The following MEGF9 variants were observed in gnomAD, a reference collection of about 807,000 sequenced individuals.
The protein encoded by MEGF9 is multiple epidermal growth factor-like domains protein 9.
A neutral mutation model predicts 46.8 loss-of-function variants in MEGF9; 6 were observed. The observed-to-expected ratio is 0.13, with a 90% CI of 0.07 to 0.25. The LOEUF (loss-of-function observed/expected upper bound fraction) is 0.25, where lower values mean the gene tolerates loss of function less well. Among genes scored for constraint, MEGF9 ranks in the 10% least tolerant of loss-of-function variants. The probability of loss-of-function intolerance (pLI) is 1.00; values close to 1 mark genes in which losing one functional copy is unlikely to be tolerated. For missense variants in MEGF9, 683 were observed against 792.4 expected (o/e 0.86, Z 1.66); for synonymous variants, 302 against 330.7 (o/e 0.91, Z 0.94).
chr9:120,647,719 G>C (rs964877445), intron 2 of MEGF9, among the ~76,000 whole-genome samples: 5 of 152,144 alleles, frequency 3.3e-5, no homozygotes, highest in Admixed American at 3.3e-4. Context: ...GACACACAAC[G>C]AATATACAAA....
intron 1 of MEGF9, among the ~76,000 whole-genome samples, chr9:120,695,113 T>C (rs192595978): frequency 1.7e-4 from 26 of 152,004 alleles, no homozygotes; most frequent in Non-Finnish European, 3.1e-4. Context: ...ATTCTAGTGC[T>C]GGTGGTGAAT....
chr9:120,621,685 G>T (rs2043499919), intron 3 of MEGF9, among the ~76,000 whole-genome samples: 1 of 151,846 alleles, frequency 6.6e-6, no homozygotes, highest in South Asian at 2.1e-4. Context: ...CTTTGGTATT[G>T]GTCACATTTT....
intron 1 of MEGF9, among the ~76,000 whole-genome samples, chr9:120,707,574 T>A (rs2043934376): frequency 6.6e-6 from 1 of 152,136 alleles, no homozygotes; most frequent in Non-Finnish European, 1.5e-5. Context: ...GACTGTGGGG[T>A]CTATATTAAC....
chr9:120,705,508 G>GA (rs1014476855), intron 1 of MEGF9, among the ~76,000 whole-genome samples: 6 of 143,316 alleles, frequency 4.2e-5, no homozygotes, highest in Admixed American at 1.4e-4. Context: ...GCTTTAAATT[G>GA]AAAAAAAATG....
intron 1 of MEGF9, among the ~76,000 whole-genome samples, chr9:120,710,039 A>AC (rs1253130177): frequency 6.6e-6 from 1 of 151,494 alleles, no homozygotes; most frequent in Non-Finnish European, 1.5e-5. Flanking sequence ...TCTCAAAAAA[A>AC]AAAAAAAAAA....
chr9:120,681,743 A>T (rs1213415270), intron 1 of MEGF9, among the ~76,000 whole-genome samples: 1 of 152,214 alleles, frequency 6.6e-6, no homozygotes. Flanking sequence ...TCTTCAATTT[A>T]TATGGGCTTT....
At chr9:120,701,669 C>G (rs2043905630) in intron 1 of MEGF9, among the ~76,000 whole-genome samples, 1 of 152,112 alleles carries the variant, frequency 6.6e-6, no homozygotes, top group South Asian at 2.1e-4. Flanking sequence ...ATGAACAATG[C>G]CATGAATTCA....
At chr9:120,661,622 A>G (rs2043702206) in intron 1 of MEGF9, among the ~76,000 whole-genome samples, 1 of 152,236 alleles carries the variant, frequency 6.6e-6, no homozygotes, top group Non-Finnish European at 1.5e-5. Flanking sequence ...AGGAAAATTC[A>G]CATTTCTTCA....
At chr9:120,664,514 G>A (rs1318392613) in intron 1 of MEGF9, among the ~76,000 whole-genome samples, 2 of 152,162 alleles carry the variant, frequency 1.3e-5, no homozygotes, top group Non-Finnish European at 2.9e-5. Flanking sequence ...CAGTCATGAT[G>A]GAAATCTCCT....
At chr9:120,706,788 T>C (rs1359898319) in intron 1 of MEGF9, among the ~76,000 whole-genome samples, 1 of 152,114 alleles carries the variant, frequency 6.6e-6, no homozygotes, top group Non-Finnish European at 1.5e-5. Flanking sequence ...TGAGCCATGA[T>C]TGTGCCACCG....
intron 2 of MEGF9, among the ~76,000 whole-genome samples, chr9:120,658,750 G>C (rs894329044): frequency 1.3e-5 from 2 of 152,282 alleles, no homozygotes; most frequent in African/African-American, 4.8e-5. Context: ...TTTCAGTGCA[G>C]TACAAGGCAA....
intron 3 of MEGF9, among the ~76,000 whole-genome samples, chr9:120,619,120 C>T (rs200484652): frequency 2.2e-4 from 33 of 151,978 alleles, no homozygotes; most frequent in Admixed American, 5.2e-4. Context: ...CCGAGGCAGG[C>T]GGATCACCTG....
At chr9:120,610,857 C>T (rs1157097456) in intron 4 of MEGF9, among the ~76,000 whole-genome samples, 1 of 152,088 alleles carries the variant, frequency 6.6e-6, no homozygotes, top group Non-Finnish European at 1.5e-5. Flanking sequence ...ATTTATAAAT[C>T]ATATATCTGT....
intron 4 of MEGF9, among the ~76,000 whole-genome samples, 172 bp from the exon 5 acceptor site, chr9:120,608,182 T>A (rs1007499290): frequency 1.3e-5 from 2 of 152,204 alleles, no homozygotes; most frequent in Non-Finnish European, 2.9e-5. Flanking sequence ...GATGAGACCC[T>A]GTTTCTAATT....
At chr9:120,619,863 A>G (rs2043490365) in intron 3 of MEGF9, among the ~76,000 whole-genome samples, 1 of 152,244 alleles carries the variant, frequency 6.6e-6, no homozygotes, top group African/African-American at 2.4e-5. Flanking sequence ...CTTCAATCTA[A>G]AACACAAGGT....
At chr9:120,663,498 AG>A (rs375300876) in intron 1 of MEGF9, among the ~76,000 whole-genome samples, 6 of 152,306 alleles carry the variant, frequency 3.9e-5, no homozygotes, top group African/African-American at 1.4e-4. Context: ...AAAAGAAGGA[AG>A]GAAGTTTCAA....
rs1350766668 is a variant in MEGF9, at chr9:120,659,516, T to C, written c.661A>G (p.Thr221Ala). The C allele has an allele frequency of 6.2e-7, 1 of 1,613,734 alleles. No individual in the cohort carries two copies. The highest frequency in any genetic ancestry group is 2.2e-5 in the East Asian group (1 of 44,868). The change falls in exon 2 of 6, where the codon ACA becomes GCA. Residue 221 changes from threonine (T) to alanine (A), a missense_variant. Physicochemically the swap from Thr to Ala is moderately conservative, Grantham distance 58. Coordinates refer to ENST00000373930, the MANE Select transcript of MEGF9 (RefSeq NM_001080497.3). ...CCTGGCCGACACTCACACTGCCCTG[T>C]GGTCTGGTTGCAGCGATTCACATTC... is the stretch of plus-strand genomic sequence containing the variant. ...SLNVNRCNQT[T>A]GQCECRPGYQ...
intron 1 of MEGF9, among the ~76,000 whole-genome samples, chr9:120,700,921 A>T (rs980642288): frequency 1.3e-5 from 2 of 150,822 alleles, no homozygotes; most frequent in Non-Finnish European, 3.0e-5. Flanking sequence ...TCTCTACCAA[A>T]AATAATAATA....
chr9:120,602,164 C>G lies in MEGF9; in HGVS notation c.*3026G>C, dbSNP rs113159363. 1.3e-5 allele frequency: 2 copies of G among 152,176 alleles called. No homozygotes were observed. The highest frequency in any genetic ancestry group is 4.8e-5 in the African/African-American group (2 of 41,370). The allele number at this position is 152,176 out of a possible 1,614,324, so 9.4% of individuals were successfully genotyped here. On this transcript the variant is annotated 3_prime_UTR_variant, in exon 6 of 6. Coordinates refer to ENST00000373930, the MANE Select transcript of MEGF9 (RefSeq NM_001080497.3). ...AGCTGAGACTACAGGCACGTACACC[C>G]GGCTAATTTTTGTGTTTTTAGTAGA... is the stretch of plus-strand genomic sequence containing the variant.
Sources: allele counts gnomAD v4.1 joint callset (sites outside exome capture counted in the v4.1 genomes callset), GRCh38; gene constraint gnomAD v4.1.1; transcripts MANE v1.5; gene names NCBI Gene and HGNC (gene_info 2026-07-23, HGNC 2026-07-21).